Variants in C1orf167 observed in about 807,000 individuals in gnomAD.
C1orf167 encodes chromosome 1 open reading frame 167, also known as uncharacterized protein C1orf167.
C1orf167 carries 153 observed loss-of-function variants against 176.5 expected under a neutral mutation model. That is an observed-to-expected ratio of 0.87 (90% CI 0.76 to 0.99). C1orf167 has a LOEUF of 0.99. Among genes scored for constraint, C1orf167 ranks in the 50% least tolerant of loss-of-function variants. The pLI, the probability that C1orf167 is intolerant of heterozygous loss-of-function variation, is 0.00. For missense variants in C1orf167, 1,490 were observed against 1,817.7 expected (o/e 0.82, Z 3.28); for synonymous variants, 594 against 752.7 (o/e 0.79, Z 3.45).
chr1:11,787,324 C>G, intron 16 of C1orf167, 64 bp from the exon 17 acceptor site: 1 of 1,074,224 alleles, frequency 9.3e-7, no homozygotes, highest in South Asian at 1.6e-5. Context: ...GAAGAAATCC[C>G]AGCGGGGCCC....
chr1:11,784,007 A>G (rs929723861), intron 14 of C1orf167, among the ~76,000 whole-genome samples, 167 bp from the exon 15 acceptor site: 1 of 152,016 alleles, frequency 6.6e-6, no homozygotes, highest in African/African-American at 2.4e-5. Flanking sequence ...ACAGGTGCCC[A>G]CTACCAGGCC....
chr1:11,784,461 C>A lies in C1orf167; in HGVS notation c.3293C>A (p.Ala1098Asp), dbSNP rs1643746899. 7 of 1,303,382 alleles carry A rather than the reference C, an allele frequency of 5.4e-6. No individual in the cohort carries two copies. The highest frequency in any genetic ancestry group is 5.1e-6 in the Non-Finnish European group (5 of 988,936). 80.7% of individuals were successfully genotyped at this position (1,303,382 alleles called of 1,614,324 possible). The change falls in exon 15 of 21, where the codon GCC becomes GAC. Residue 1098 changes from alanine to aspartate, a missense_variant. By Grantham distance (126) the Ala-to-Asp change is moderately radical. Coordinates refer to ENST00000688073, the MANE Select transcript of C1orf167 (RefSeq NM_001010881.2). ...GTGGCCCCGGGCATGCACCATGAGG[C>A]CCAGCAGCAGGCAGGAGAGAGCGCT... is the stretch of plus-strand genomic sequence containing the variant. Reference protein sequence around the residue: ...WPVAPGMHHEAQQQAGESAGA... With the variant: ...WPVAPGMHHEDQQQAGESAGA...
rs369313497 is a variant in C1orf167, at chr1:11,787,511, C to T, written c.3673+18C>T. On this transcript the variant is annotated intron_variant, in intron 17 of 20. Coordinates refer to ENST00000688073, the MANE Select transcript of C1orf167 (RefSeq NM_001010881.2). ...GGCTCAGAGTAAGGAGACCTTGCCC[C>T]GGGGGACAAACGGTGTCTGAAGTGC... 2.6e-5 allele frequency: 34 copies of T among 1,288,166 alleles called. No individual in the cohort carries two copies. The highest frequency in any genetic ancestry group is 1.2e-4 in the African/African-American group (8 of 65,410). The allele number at this position is 1,288,166 out of a possible 1,614,324, so 79.8% of individuals were successfully genotyped here. A position where few individuals can be genotyped will look rare whatever the true frequency, so the allele number is the denominator to read the frequency against.
chr1:11,776,746 C>A, intron 10 of C1orf167, 108 bp downstream of exon 10: 1 of 997,818 alleles, frequency 1.0e-6, no homozygotes, highest in Non-Finnish European at 1.3e-6. Context: ...TCCCATAGGG[C>A]AGTAACTGCA....
intron 17 of C1orf167, 23 bp from the exon 18 acceptor site, chr1:11,787,850 T>A (rs1643931436): frequency 8.3e-7 from 1 of 1,206,126 alleles, no homozygotes. Context: ...CTTAACCTCT[T>A]GTGACTCAAC....
At chr1:11,777,072 C>T (rs1643354504) in intron 10 of C1orf167, 1 of 152,956 alleles carries the variant, frequency 6.5e-6, no homozygotes, top group African/African-American at 2.4e-5. Flanking sequence ...GGAACAAGGG[C>T]AGGAGCCAGG....
intron 6 of C1orf167, among the ~76,000 whole-genome samples, chr1:11,771,079 T>A (rs1212999113): frequency 0.026 from 2,797 of 107,356 alleles, 125 homozygotes; most frequent in South Asian, 0.082. Context: ...ATTTTTTTTT[T>A]TTTTTTTTTT....
rs570422232 is a variant in C1orf167, at chr1:11,784,867, C to T, written c.3425+274C>T. Among the ~76,000 whole-genome samples, 38 of 152,360 alleles carry T rather than the reference C, an allele frequency of 2.5e-4. No individual in the cohort carries two copies. In the South Asian group the frequency reaches 2.9e-3, roughly 12 times the overall value. Reference sequence around the variant, plus strand: ...CCAGCCACTCAGCAAGCGCCATAAACGCGCTCTTGCCAGGGAAGGGGAGGC... The same window carrying T: ...CCAGCCACTCAGCAAGCGCCATAAATGCGCTCTTGCCAGGGAAGGGGAGGC... On this transcript the variant is annotated intron_variant, in intron 15 of 20. Coordinates refer to ENST00000688073, the MANE Select transcript of C1orf167 (RefSeq NM_001010881.2).
chr1:11,778,948 C>A lies in C1orf167; in HGVS notation c.2519C>A (p.Pro840Gln), dbSNP rs370523367. Residue 840 changes from proline (P) to glutamine (Q), a missense_variant, in exon 12 of 21, where the codon CCG (proline) becomes CAG (glutamine). Coordinates refer to ENST00000688073, the MANE Select transcript of C1orf167 (RefSeq NM_001010881.2). ...CAGGTTCCCAGGGCCCCCACCCTCC[C>A]GGACACTCTCCAGGGGAGCCTTCTG... ...LEKVPRAPTL[P>Q]DTLQGSLLWA... 235 of 1,303,834 alleles carry A rather than the reference C, an allele frequency of 1.8e-4. No individual in the cohort carries two copies. The African/African-American group carries it at 2.4e-3, about 13-fold the overall frequency. The allele number at this position is 1,303,834 out of a possible 1,614,324, so 80.8% of individuals were successfully genotyped here. A position where few individuals can be genotyped will look rare whatever the true frequency, so the allele number is the denominator to read the frequency against.
At chr1:11,775,944 A>G (rs1359039141) in intron 9 of C1orf167, among the ~76,000 whole-genome samples, 1 of 152,234 alleles carries the variant, frequency 6.6e-6, no homozygotes, top group Non-Finnish European at 1.5e-5. Flanking sequence ...GGGGACACAC[A>G]GCCCTAATCC....
chr1:11,773,054 C>T (rs553353315), intron 8 of C1orf167, among the ~76,000 whole-genome samples: 19 of 152,162 alleles, frequency 1.2e-4, no homozygotes, highest in African/African-American at 4.3e-4. Flanking sequence ...CATGCCACCA[C>T]GCCCGGCTAA....
In C1orf167 at chr1:11,768,441, T is replaced by A; in HGVS notation, c.1542+166T>A. On this transcript the variant is annotated intron_variant, in intron 5 of 20. Coordinates refer to ENST00000688073, the MANE Select transcript of C1orf167 (RefSeq NM_001010881.2). The surrounding 1 kb of genome is among the most constrained non-coding windows in gnomAD (Gnocchi z 4.5). Reference sequence around the variant, plus strand: ...TCCACACACCTGAATCAGCTCTGCCTGAGTTCAAATCCTGCCCCCTCTACC... The same window carrying A: ...TCCACACACCTGAATCAGCTCTGCCAGAGTTCAAATCCTGCCCCCTCTACC... 1 of 573,626 alleles carries A rather than the reference T, an allele frequency of 1.7e-6. No individual in the cohort carries two copies. The highest frequency in any genetic ancestry group is 2.6e-6 in the Non-Finnish European group (1 of 382,914). The allele number at this position is 573,626 out of a possible 1,614,324, so 35.5% of individuals were successfully genotyped here.
chr1:11,780,050 A>T, intron 13 of C1orf167, 40 bp downstream of exon 13: 1 of 1,232,652 alleles, frequency 8.1e-7, no homozygotes. Flanking sequence ...GGGTGAGGGC[A>T]GGGCCAGGGT....
At position 11,782,322 on chromosome 1, in the gene C1orf167, GC is replaced by G. The variant is rs111419348; in HGVS notation, c.2995del (p.Leu999TyrfsTer13). ...GCACAGTGACCCGGCCAGAGCAGCT[GC>G]TACTGCAGAGGTGGGTGGGCCTGGG... ...RCTVTRPEQLLLQSYFQAWCE... is the reference protein window; with the variant it reads ...RCTVTRPEQLXLQSYFQAWCE... On this transcript the variant is annotated frameshift_variant, in exon 14 of 21. Coordinates refer to ENST00000688073, the MANE Select transcript of C1orf167 (RefSeq NM_001010881.2). LOFTEE classifies it high-confidence loss of function. 2.3e-5 allele frequency: 29 copies of G among 1,269,722 alleles called. No homozygotes were observed. In the African/African-American group the frequency reaches 3.3e-4, roughly 14 times the overall value. 78.7% of individuals were successfully genotyped at this position (1,269,722 alleles called of 1,614,324 possible).
Position 11,768,084 on chromosome 1 carries a change from C to G in C1orf167, c.1351C>G (p.Leu451Val). ...GCCCTGGTCTGTCCCCAGCTGGCAG[C>G]TGTTGTCCAGATGTTTTCGATCCTG... ...APESEAICWQLLSRCFRSWRH... is the reference protein window; with the variant it reads ...APESEAICWQVLSRCFRSWRH... Residue 451 changes from leucine (L) to valine (V), a missense_variant, in exon 5 of 21, where the codon CTG becomes GTG. Coordinates refer to ENST00000688073, the MANE Select transcript of C1orf167 (RefSeq NM_001010881.2). This position sits in a 1 kb window ranked among gnomAD's most constrained non-coding sequence, Gnocchi z 4.5. The G allele has an allele frequency of 1.6e-6, 2 of 1,286,676 alleles. No homozygotes were observed. The highest frequency in any genetic ancestry group is 2.0e-6 in the Non-Finnish European group (2 of 987,148). The allele number at this position is 1,286,676 out of a possible 1,614,324, so 79.7% of individuals were successfully genotyped here.
intron 12 of C1orf167, 23 bp downstream of exon 12, chr1:11,779,103 C>T: frequency 8.2e-7 from 1 of 1,226,824 alleles, no homozygotes; most frequent in Non-Finnish European, 1.0e-6. Context: ...CCCCATCCGC[C>T]CGCCACTCTA....
intron 10 of C1orf167, chr1:11,777,750 A>G (rs150998457): frequency 2.0e-5 from 3 of 152,012 alleles, no homozygotes; most frequent in African/African-American, 7.3e-5. Flanking sequence ...GGGGAATTCA[A>G]TTCACCGTGA....
At chr1:11,787,096 ACT>A (rs1441813972) in intron 16 of C1orf167, 1 of 178,948 alleles carries the variant, frequency 5.6e-6, no homozygotes, top group Non-Finnish European at 1.2e-5. Context: ...GGGGGCTCAG[ACT>A]CTGGAGTCAG....
At chr1:11,779,135 C>T in intron 12 of C1orf167, 55 bp downstream of exon 12, 1 of 1,204,522 alleles carries the variant, frequency 8.3e-7, no homozygotes, top group Non-Finnish European at 1.1e-6. Context: ...TTTCCCGGCC[C>T]CTTCTCCCTT....
Sources: gnomAD v4.1 joint callset for allele counts (sites outside exome capture counted in the v4.1 genomes callset) on GRCh38, gnomAD v4.1.1 for gene constraint, Gnocchi (gnomAD v3.1) non-coding constraint, MANE v1.5 for transcripts, NCBI Gene and HGNC (gene_info 2026-07-23, HGNC 2026-07-21) for gene names.